RSRC2: variants seen among roughly 807,000 people sequenced by gnomAD.
The protein encoded by RSRC2 is arginine/serine-rich coiled-coil protein 2.
RSRC2 carries 5 observed loss-of-function variants against 61.3 expected under a neutral mutation model. The ratio of observed to expected loss-of-function variants is 0.08; its 90% confidence interval spans 0.04 to 0.17. The LOEUF is 0.17. Among genes scored for constraint, RSRC2 ranks in the 10% least tolerant of loss-of-function variants. The pLI, the probability that RSRC2 is intolerant of heterozygous loss-of-function variation, is 1.00. For missense variants in RSRC2, 381 were observed against 518.8 expected, an observed-to-expected ratio of 0.73 and a Z score of 2.58; for synonymous variants, 202 against 166.5, an observed-to-expected ratio of 1.21 and a Z score of -1.64.
rs1958005890 is a variant in RSRC2 at position 122,504,395 on chromosome 12, AGGAGGGTGG to A, written c.*1123_*1131del. On this transcript the variant is annotated 3_prime_UTR_variant, in exon 10 of 10. Transcript: ENST00000331738. ...ATAATCCCGGCACTTTGGGAGGCTG[AGGAGGGTGG>A]ATCACCTGAGGTCAGGAGTTCAGGA... The A allele has an allele frequency of 6.6e-6, 1 of 151,962 alleles. No homozygotes were observed. 9.4% of individuals were successfully genotyped at this position (151,962 alleles called of 1,614,324 possible). A position where few individuals can be genotyped will look rare whatever the true frequency, so the allele number is the denominator to read the frequency against.
At chr12:122,509,015 G>C (rs1465497753) in intron 7 of RSRC2, among the ~76,000 whole-genome samples, 1 of 151,964 alleles carries the variant, frequency 6.6e-6, no homozygotes, top group Non-Finnish European at 1.5e-5. Context: ...CAAATAGTAA[G>C]AAAGTATGAT....
intron 3 of RSRC2, chr12:122,520,389 T>C (rs1959179950): frequency 1.6e-6 from 1 of 623,120 alleles, no homozygotes; most frequent in Non-Finnish European, 2.7e-6. Context: ...TTAAAGTTTA[T>C]TTCAAACCAG....
chr12:122,510,689 G>C (rs550162129), intron 7 of RSRC2, among the ~76,000 whole-genome samples: 1,696 of 152,290 alleles, frequency 0.011, 33 homozygotes, highest in African/African-American at 0.039. Flanking sequence ...CTGATGGGAA[G>C]TAGGAATCAT....
intron 6 of RSRC2, among the ~76,000 whole-genome samples, chr12:122,513,476 A>G (rs1958684344): frequency 1.3e-5 from 2 of 152,184 alleles, no homozygotes; most frequent in Non-Finnish European, 1.5e-5. Context: ...CAAGTAATCT[A>G]TATATCAATG....
chr12:122,522,813 C>CATCTTAAT (rs1185012679), intron 1 of RSRC2: 8 of 152,394 alleles, frequency 5.2e-5, no homozygotes, highest in Non-Finnish European at 1.0e-4. Context: ...GTGAGAACCT[C>CATCTTAAT]ATCTTAATGT....
In RSRC2 at chr12:122,503,591, G is replaced by A. The variant is rs530686276; in HGVS notation, c.*1936C>T. On this transcript the variant is annotated 3_prime_UTR_variant, in exon 10 of 10. Coordinates refer to ENST00000331738, the MANE Select transcript of RSRC2 (RefSeq NM_023012.6). The stretch of plus-strand genomic sequence containing the variant: ...CTTTTGCGTCCACACTGCCTTAGAA[G>A]GTCATGAACATTTTTAATAAGATTG... 115 of 152,276 alleles carry A rather than the reference G, an allele frequency of 7.6e-4. 1 individual carries two copies. Among genetic ancestry groups the A allele is most frequent in the African/African-American group, 2.6e-3 (110 of 41,540 alleles). The allele number at this position is 152,276 out of a possible 1,614,324, so 9.4% of individuals were successfully genotyped here.
chr12:122,508,077 A>C (rs1958245120), intron 8 of RSRC2, 141 bp downstream of exon 8: 1 of 750,964 alleles, frequency 1.3e-6, no homozygotes, highest in African/African-American at 1.7e-5. Context: ...TGCTGGGATT[A>C]AAGGCATAAG....
In RSRC2 at chr12:122,505,301, A is replaced by T. The variant is rs190177498; in HGVS notation, c.*226T>A. The T allele has an allele frequency of 3.3e-5, 13 of 391,266 alleles. No homozygotes were observed. In the East Asian group the frequency reaches 5.0e-4, roughly 15 times the overall value. 24.2% of individuals were successfully genotyped at this position (391,266 alleles called of 1,614,324 possible). A position where few individuals can be genotyped will look rare whatever the true frequency, so the allele number is the denominator to read the frequency against. On this transcript the variant is annotated 3_prime_UTR_variant, in exon 10 of 10. Coordinates refer to ENST00000331738, the MANE Select transcript of RSRC2 (RefSeq NM_023012.6). ...AAAAGTAGAATTCATGAACTAAAAA[A>T]TATTATCCTTCTATAGTCCTGTCAA...
At chr12:122,510,555 C>T (rs1372787233) in intron 7 of RSRC2, among the ~76,000 whole-genome samples, 1 of 152,110 alleles carries the variant, frequency 6.6e-6, no homozygotes, top group African/African-American at 2.4e-5. Context: ...GTCATGATGA[C>T]TAGTGTTACA....
Position 122,522,156 on chromosome 12 carries a change from T to A in RSRC2, c.150A>T (p.Arg50Ser). 1.2e-6 allele frequency: 2 copies of A among 1,610,764 alleles called. No homozygotes were observed. Among genetic ancestry groups the A allele is most frequent in the Non-Finnish European group, 1.7e-6 (2 of 1,179,146 alleles). Residue 50 changes from arginine to serine, a missense_variant, in exon 2 of 10, where the codon AGA becomes AGT. Around this residue, in one of 4 missense-constraint regions of RSRC2, gnomAD observed 266 missense variants for 270.5 expected, o/e 0.98. Transcript: ENST00000331738. ...AAGAATTCATACCTGACTTTCGTTT[T>A]CTTTCTCTTGACCTTGATCGTGATC... ...YSRSRSRSRE[R>S]KRKSDNEGRK...
chr12:122,526,741 A>T, intron 1 of RSRC2, 107 bp downstream of exon 1: 1 of 1,294,100 alleles, frequency 7.7e-7, no homozygotes, highest in Non-Finnish European at 1.1e-6. Context: ...CCGCGGCGCC[A>T]TTTTGTCTAC....
At chr12:122,526,479 T>G (rs930662973) in intron 1 of RSRC2, among the ~76,000 whole-genome samples, 1 of 152,032 alleles carries the variant, frequency 6.6e-6, no homozygotes, top group Non-Finnish European at 1.5e-5. Context: ...CCTGATCGTC[T>G]TTCTCTTCCC....
In RSRC2 at chr12:122,505,630, C is replaced by T. The variant is rs1309774258; in HGVS notation, c.1202G>A (p.Arg401Gln). 6.2e-7 allele frequency: 1 copy of T among 1,613,946 alleles called. No individual in the cohort carries two copies. Among genetic ancestry groups the T allele is most frequent in the Non-Finnish European group, 8.5e-7 (1 of 1,179,958 alleles). The stretch of plus-strand genomic sequence containing the variant: ...CATTTCATACTGAGCATCTAAATTT[C>T]GAAATACTTCTTCCTGCTGCTTCAG... The part of the protein sequence containing the change: ...KTLKQQEEVF[R>Q]NLDAQYEMAR... Residue 401 changes from arginine (R) to glutamine (Q), a missense_variant, in exon 10 of 10, where the codon CGA (arginine) becomes CAA (glutamine). Coordinates refer to ENST00000331738, the MANE Select transcript of RSRC2 (RefSeq NM_023012.6).
At chr12:122,515,930 A>G (rs1466072380) in intron 5 of RSRC2, among the ~76,000 whole-genome samples, 1 of 152,180 alleles carries the variant, frequency 6.6e-6, no homozygotes, top group Non-Finnish European at 1.5e-5. Flanking sequence ...CAGAGGTTGC[A>G]GTGAGCCAAG....
intron 6 of RSRC2, chr12:122,513,938 G>C (rs2137473716): frequency 3.4e-6 from 1 of 289,978 alleles, no homozygotes; most frequent in South Asian, 1.3e-4. Flanking sequence ...AGGCTGAGGT[G>C]GGAGGATTGC....
Position 122,517,413 on chromosome 12 carries a change from C to T in RSRC2, c.416G>A (p.Ser139Asn). Residue 139 changes from serine to asparagine, a missense_variant, in exon 5 of 10, where the codon AGC becomes AAC. Coordinates refer to ENST00000331738, the MANE Select transcript of RSRC2 (RefSeq NM_023012.6). Reference protein sequence around the residue: ...RSRERRHRSRSRERKKSRSRS... With the variant: ...RSRERRHRSRNRERKKSRSRS... ...GGATCGAGACTTCTTCCGCTCCCTG[C>T]TTCTACTACGATGGCGTCTGAAATT... The T allele has an allele frequency of 6.2e-7, 1 of 1,614,166 alleles. No homozygotes were observed. Among genetic ancestry groups the T allele is most frequent in the East Asian group, 2.2e-5 (1 of 44,888 alleles).
At chr12:122,525,165 G>A (rs112951950) in intron 1 of RSRC2, among the ~76,000 whole-genome samples, 6,007 of 152,192 alleles carry the variant, frequency 0.039, 358 homozygotes, top group African/African-American at 0.13. Flanking sequence ...TCTGAGGTCA[G>A]GAGTTCGAGA....
chr12:122,524,822 G>A (rs1242754205), intron 1 of RSRC2, among the ~76,000 whole-genome samples: 1 of 152,156 alleles, frequency 6.6e-6, no homozygotes, highest in East Asian at 1.9e-4. Flanking sequence ...CTTTAATTTA[G>A]TACTAATCTA....
intron 1 of RSRC2, chr12:122,526,165 T>C (rs1960330093): frequency 6.6e-6 from 1 of 152,220 alleles, no homozygotes; most frequent in Non-Finnish European, 1.5e-5. Flanking sequence ...GTGACAAGAC[T>C]TAACTGTAAC....
Sources: gnomAD v4.1 joint callset for allele counts (sites outside exome capture counted in the v4.1 genomes callset) on GRCh38, gnomAD v4.1.1 for gene constraint, gnomAD v4.1.1 regional missense constraint, MANE v1.5 for transcripts, NCBI Gene and HGNC (gene_info 2026-07-23, HGNC 2026-07-21) for gene names.